The following RAB3GAP2 variants were observed in gnomAD, a reference collection of about 807,000 sequenced individuals.
RAB3GAP2 encodes the protein rab3 GTPase-activating protein non-catalytic subunit.
Under a neutral mutation model 185.3 loss-of-function variants are expected in RAB3GAP2, and 87 were observed. The ratio of observed to expected loss-of-function variants is 0.47; its 90% CI spans 0.39 to 0.56. The LOEUF is 0.56. Ranked by LOEUF, RAB3GAP2 falls within the 20% of genes least tolerant of loss-of-function variation. The pLI is 0.00. For synonymous variants in RAB3GAP2, 554 were observed against 576.1 expected, an observed-to-expected ratio of 0.96 and a Z score of 0.55; for missense variants, 1,492 against 1,638.2, an observed-to-expected ratio of 0.91 and a Z score of 1.54.
chr1:220,245,193 G>T (rs1029317518), intron 1 of RAB3GAP2, among the ~76,000 whole-genome samples: 9 of 152,190 alleles, frequency 5.9e-5, no homozygotes, highest in Non-Finnish European at 1.0e-4. Flanking sequence ...AACAGCTCCG[G>T]TCTACAGCTC....
chr1:220,254,637 G>A (rs1335906536), intron 1 of RAB3GAP2: 7 of 900,204 alleles, frequency 7.8e-6, no homozygotes, highest in South Asian at 1.5e-5. Context: ...AGATGTTAGT[G>A]TATAACAATT....
rs1041418234 is a variant in RAB3GAP2, at chr1:220,151,147, A to G, written c.*104T>C. 2.5e-5 allele frequency: 31 copies of G among 1,245,568 alleles called. No homozygotes were observed. The highest frequency in any genetic ancestry group is 3.4e-5 in the Non-Finnish European group (30 of 885,370). The allele number at this position is 1,245,568 out of a possible 1,614,324, so 77.2% of individuals were successfully genotyped here. On this transcript the variant is annotated 3_prime_UTR_variant, in exon 35 of 35. Coordinates refer to ENST00000358951, the MANE Select transcript of RAB3GAP2 (RefSeq NM_012414.4). ...TTATTTATTTTACAAAAGGAAAAAA[A>G]AAGACATACTTTTCCCATAAAATTC...
At chr1:220,182,456 A>T in intron 20 of RAB3GAP2, 102 bp from the exon 21 acceptor site, 1 of 1,548,220 alleles carries the variant, frequency 6.5e-7, no homozygotes, top group Non-Finnish European at 8.7e-7. Context: ...ACAAAACATT[A>T]TGAAGGAAGA....
rs758604254 is a variant in RAB3GAP2 at position 220,170,927 on chromosome 1, C to T, written c.2771G>A (p.Arg924Lys). The T allele has an allele frequency of 1.2e-5, 19 of 1,613,962 alleles. No homozygotes were observed. Among genetic ancestry groups the T allele is most frequent in the Non-Finnish European group, 1.4e-5 (17 of 1,180,000 alleles). ...TTCTAATAACTTTTTAACAGAAAGC[C>T]TTGGAAGTGGCTCAGCCTGCAGTGA... Reference protein sequence around the residue: ...VSSLQAEPLPRLSVKKLLEGG... With the variant: ...VSSLQAEPLPKLSVKKLLEGG... Residue 924 changes from arginine to lysine, a missense_variant, in exon 24 of 35, where the codon AGG becomes AAG. Arg to Lys is a conservative substitution (Grantham distance 26). Around this residue, in one of 5 missense-constraint regions of RAB3GAP2, gnomAD observed 681 missense variants for 689.1 expected, o/e 0.99. Coordinates refer to ENST00000358951, the MANE Select transcript of RAB3GAP2 (RefSeq NM_012414.4).
chr1:220,173,353 C>T (rs761999886), intron 21 of RAB3GAP2, among the ~76,000 whole-genome samples: 2 of 152,226 alleles, frequency 1.3e-5, no homozygotes, highest in African/African-American at 4.8e-5. Context: ...AATTGGTTCA[C>T]AGATAATTCT....
At chr1:220,165,304 T>C (rs935167773) in intron 26 of RAB3GAP2, among the ~76,000 whole-genome samples, 1 of 151,208 alleles carries the variant, frequency 6.6e-6, no homozygotes, top group African/African-American at 2.4e-5. Context: ...GATAAGTTAA[T>C]ATATTATATT....
At chr1:220,175,363 C>A (rs560294411) in intron 21 of RAB3GAP2, among the ~76,000 whole-genome samples, 1 of 151,966 alleles carries the variant, frequency 6.6e-6, no homozygotes, top group Admixed American at 6.6e-5. Flanking sequence ...GGACTACAGG[C>A]GCGAGCCACC....
chr1:220,158,384 A>G lies in RAB3GAP2; in HGVS notation c.3262-508T>C, dbSNP rs1657898099. Among the ~76,000 whole-genome samples the G allele has an allele frequency of 6.6e-6, 1 of 152,108 alleles. No individual in the cohort carries two copies. On this transcript the variant is annotated intron_variant, in intron 29 of 34. Transcript: ENST00000358951. This position sits in a 1 kb window ranked among gnomAD's most constrained non-coding sequence, Gnocchi z 4.3. Reference sequence around the variant, plus strand: ...ACCAGATTGATGCTGTGAGCAACAGACGATTCTCAATGACTCCTTTAAAGG... The same window carrying G: ...ACCAGATTGATGCTGTGAGCAACAGGCGATTCTCAATGACTCCTTTAAAGG...
chr1:220,268,531 GT>G lies in RAB3GAP2; in HGVS notation c.115+3691del, dbSNP rs527503108. On this transcript the variant is annotated intron_variant, in intron 1 of 34. Coordinates refer to ENST00000358951, the MANE Select transcript of RAB3GAP2 (RefSeq NM_012414.4). ...ATCAAAGTGCAAAATTTGAAGTATG[GT>G]TTCTACAAAGTACACATTGCTTTCA... Among the ~76,000 whole-genome samples the G allele has an allele frequency of 2.1e-3, 326 of 152,240 alleles. 1 individual carries two copies. The highest frequency in any genetic ancestry group is 5.2e-3 in the Admixed American group (79 of 15,296).
intron 19 of RAB3GAP2, 120 bp from the exon 20 acceptor site, chr1:220,183,051 T>C: frequency 1.3e-6 from 1 of 753,074 alleles, no homozygotes; most frequent in South Asian, 1.6e-5. Context: ...CTATCATGTA[T>C]TCTGCTTAAA....
intron 9 of RAB3GAP2, among the ~76,000 whole-genome samples, chr1:220,199,169 A>G (rs192679921): frequency 3.6e-3 from 542 of 151,662 alleles, no homozygotes; most frequent in Non-Finnish European, 5.3e-3. Flanking sequence ...GATGATGTAG[A>G]AAAAAAAAGG....
intron 9 of RAB3GAP2, among the ~76,000 whole-genome samples, chr1:220,201,237 G>A (rs1334316022): frequency 1.3e-5 from 2 of 151,774 alleles, no homozygotes; most frequent in African/African-American, 4.8e-5. Flanking sequence ...TAAGCGATGG[G>A]GTCTCGCTAT....
intron 21 of RAB3GAP2, among the ~76,000 whole-genome samples, chr1:220,179,439 C>A (rs1418223856): frequency 8.6e-5 from 13 of 152,046 alleles, no homozygotes; most frequent in Non-Finnish European, 1.5e-5. Context: ...GGTCTTCAAC[C>A]TCACTTTCAG....
At chr1:220,172,574 C>G (rs1658198994) in intron 22 of RAB3GAP2, 63 bp downstream of exon 22, 3 of 1,104,788 alleles carry the variant, frequency 2.7e-6, no homozygotes, top group South Asian at 2.5e-5. Flanking sequence ...TATCCACTCT[C>G]CCATCTTTTT....
Position 220,167,511 on chromosome 1 carries a change from C to G in RAB3GAP2, c.2971G>C (p.Ala991Pro). The change falls in exon 25 of 35, where the codon GCC becomes CCC. Residue 991 changes from alanine to proline, a missense_variant. This residue lies in a region of RAB3GAP2 where 681 missense variants were observed against 689.1 expected (regional missense o/e 0.99). Coordinates refer to ENST00000358951, the MANE Select transcript of RAB3GAP2 (RefSeq NM_012414.4). ...EVSEMEMDLG[A>P]IPDLLHLAYE... ...ATTATTTGTGTATCACCTGGTATGGCTCCTAAGTCCATCTCCATCTCTGAT... is the reference window on the plus strand; with the variant it reads ...ATTATTTGTGTATCACCTGGTATGGGTCCTAAGTCCATCTCCATCTCTGAT... 6.2e-7 allele frequency: 1 copy of G among 1,614,126 alleles called. No homozygotes were observed. The highest frequency in any genetic ancestry group is 8.5e-7 in the Non-Finnish European group (1 of 1,180,020).
intron 26 of RAB3GAP2, among the ~76,000 whole-genome samples, chr1:220,166,728 T>G (rs992767223): frequency 2.0e-5 from 3 of 152,184 alleles, no homozygotes; most frequent in Non-Finnish European, 2.9e-5. Flanking sequence ...AAGGCTAACC[T>G]TGGACTACAG....
rs189722294 is a variant in RAB3GAP2 at position 220,244,879 on chromosome 1, T to C, written c.116-12016A>G. On this transcript the variant is annotated intron_variant, in intron 1 of 34. Transcript: ENST00000358951. ...CTGAAACCATAAAAATCCTGGAAGA[T>C]AACATTGGAAAAACTCTTCTGGATA... 1.4e-4 allele frequency among the ~76,000 whole-genome samples: 22 copies of C among 152,146 alleles called. No homozygotes were observed. The East Asian group carries it at 4.3e-3, about 29-fold the overall frequency.
chr1:220,249,139 G>A (rs1460343632), intron 1 of RAB3GAP2, among the ~76,000 whole-genome samples: 1 of 152,196 alleles, frequency 6.6e-6, no homozygotes, highest in African/African-American at 2.4e-5. Flanking sequence ...GCAGAGGTTA[G>A]AACAGTTTAG....
At chr1:220,235,941 G>T (rs761301358) in intron 1 of RAB3GAP2, among the ~76,000 whole-genome samples, 33 of 152,280 alleles carry the variant, frequency 2.2e-4, no homozygotes, top group Non-Finnish European at 3.7e-4. Flanking sequence ...AAAGGAAAGA[G>T]AATTTAATTG....
Sources: allele counts gnomAD v4.1 joint callset (sites outside exome capture counted in the v4.1 genomes callset), GRCh38; gene constraint gnomAD v4.1.1; regional missense constraint gnomAD v4.1.1; non-coding constraint Gnocchi (gnomAD v3.1); transcripts MANE v1.5; gene names NCBI Gene and HGNC (gene_info 2026-07-23, HGNC 2026-07-21).